The following PDCL3 variants were observed in gnomAD, a reference collection of about 807,000 sequenced individuals.
PDCL3 encodes the protein phosducin-like protein 3.
Under a neutral mutation model 26.5 loss-of-function variants are expected in PDCL3, and 22 were observed. That is an observed-to-expected ratio of 0.83 (90% CI 0.59 to 1.19). The LOEUF is 1.19. Ranked by LOEUF, PDCL3 falls within the 50% of genes most tolerant of loss-of-function variation. PDCL3 has a pLI of 0.00. For missense variants in PDCL3, 246 were observed against 294.1 expected, an observed-to-expected ratio of 0.84 and a Z score of 1.20; for synonymous variants, 81 against 104.9, an observed-to-expected ratio of 0.77 and a Z score of 1.39.
rs529499368 is a variant in PDCL3 at position 100,573,638 on chromosome 2, A to T, written c.577+1840A>T. ...CAGTGAGCCAAGATCATGCCATTGC[A>T]CTCCAGCCTGGGTAACGAGCGAAAC... On this transcript the variant is annotated intron_variant, in intron 5 of 5. Coordinates refer to ENST00000264254, the MANE Select transcript of PDCL3 (RefSeq NM_024065.5). Among the ~76,000 whole-genome samples the T allele has an allele frequency of 4.7e-5, 7 of 149,666 alleles. No individual in the cohort carries two copies. The South Asian group carries it at 1.5e-3, about 32-fold the overall frequency.
chr2:100,565,616 C>G (rs897895230), intron 1 of PDCL3, among the ~76,000 whole-genome samples: 5 of 152,086 alleles, frequency 3.3e-5, no homozygotes, highest in African/African-American at 1.2e-4. Context: ...TCACAGATTG[C>G]TTTCCACCCT....
At chr2:100,576,246 T>C in intron 5 of PDCL3, 108 bp from the exon 6 acceptor site, 1 of 1,313,510 alleles carries the variant, frequency 7.6e-7, no homozygotes, top group East Asian at 2.5e-5. Flanking sequence ...TGGGCCAAAT[T>C]TCGATAATTG....
chr2:100,566,444 A>C (rs984945964), intron 1 of PDCL3, 59 bp from the exon 2 acceptor site: 4 of 1,577,632 alleles, frequency 2.5e-6, no homozygotes, highest in African/African-American at 2.7e-5. Context: ...CCCTTGCCCA[A>C]CGTGGCACCC....
chr2:100,569,062 GTTTGT>G (rs754350336), intron 3 of PDCL3, 41 bp downstream of exon 3: 4 of 1,552,456 alleles, frequency 2.6e-6, no homozygotes, highest in Non-Finnish European at 3.5e-6. Context: ...TTTTGTTGTT[GTTTGT>G]TTTGTTTTGG....
intron 5 of PDCL3, among the ~76,000 whole-genome samples, chr2:100,573,529 G>A (rs1366808333): frequency 6.6e-6 from 1 of 151,862 alleles, no homozygotes; most frequent in East Asian, 2.0e-4. Context: ...CAAAAAATTA[G>A]CTGGGCGTGG....
Position 100,562,996 on chromosome 2 carries a change from C to T in PDCL3, c.-72C>T, listed in dbSNP as rs532242215. Reference sequence around the variant, plus strand: ...GGAAGAGGCGTGGCGGCGCTGTGCGCGTGCACAAAAGAGAGCTGAGGGGCG... The same window carrying T: ...GGAAGAGGCGTGGCGGCGCTGTGCGTGTGCACAAAAGAGAGCTGAGGGGCG... On this transcript the variant is annotated 5_prime_UTR_variant, in exon 1 of 6. Transcript: ENST00000264254. The T allele has an allele frequency of 9.9e-5, 154 of 1,561,456 alleles. No individual in the cohort carries two copies. In the South Asian group the frequency reaches 1.5e-3, roughly 16 times the overall value.
At chr2:100,576,256 G>GT (rs967838153) in intron 5 of PDCL3, 98 bp from the exon 6 acceptor site, 1 of 1,409,016 alleles carries the variant, frequency 7.1e-7, no homozygotes, top group African/African-American at 1.5e-5. Flanking sequence ...TTCGATAATT[G>GT]TATTTTCTAC....
chr2:100,576,301 G>A, intron 5 of PDCL3, 53 bp from the exon 6 acceptor site: 3 of 1,568,306 alleles, frequency 1.9e-6, no homozygotes, highest in Non-Finnish European at 2.6e-6. Flanking sequence ...TTAGGGCGAG[G>A]GAACCTTTGC....
chr2:100,575,071 T>C (rs1675253018), intron 5 of PDCL3, among the ~76,000 whole-genome samples: 1 of 152,214 alleles, frequency 6.6e-6, no homozygotes, highest in Admixed American at 6.5e-5. Context: ...CACTCTAGCC[T>C]GGGTGATGGA....
chr2:100,575,274 T>A (rs1357517458), intron 5 of PDCL3, among the ~76,000 whole-genome samples: 1 of 152,182 alleles, frequency 6.6e-6, no homozygotes, highest in Non-Finnish European at 1.5e-5. Flanking sequence ...TAGCTGGGAC[T>A]ACAGGCACCT....
chr2:100,571,854 G>A (rs1383824244), intron 5 of PDCL3, 56 bp downstream of exon 5: 1 of 1,545,312 alleles, frequency 6.5e-7, no homozygotes. Context: ...CATTTCTGTT[G>A]GAGAGAGTGT....
chr2:100,569,164 G>A (rs1675118299), intron 3 of PDCL3, 143 bp downstream of exon 3: 1 of 698,796 alleles, frequency 1.4e-6, no homozygotes, highest in Non-Finnish European at 2.4e-6. Flanking sequence ...GCTGAGGCAG[G>A]CAGATCGCTT....
intron 1 of PDCL3, 118 bp downstream of exon 1, chr2:100,563,191 G>A: frequency 7.6e-7 from 1 of 1,316,426 alleles, no homozygotes; most frequent in Non-Finnish European, 1.0e-6. Flanking sequence ...GCACGAGGGA[G>A]GCCCGGCGCG....
At chr2:100,574,096 C>T (rs1164512708) in intron 5 of PDCL3, among the ~76,000 whole-genome samples, 2 of 152,082 alleles carry the variant, frequency 1.3e-5, no homozygotes, top group South Asian at 2.1e-4. Context: ...CTCAGCCTCC[C>T]GGGTTCAAGC....
At chr2:100,568,814 G>T in intron 2 of PDCL3, 117 bp from the exon 3 acceptor site, 1 of 780,204 alleles carries the variant, frequency 1.3e-6, no homozygotes. Context: ...TGTTTAGGTA[G>T]GCTAAGGATC....
At chr2:100,564,317 G>A (rs1675016907) in intron 1 of PDCL3, among the ~76,000 whole-genome samples, 2 of 149,552 alleles carry the variant, frequency 1.3e-5, no homozygotes, top group Admixed American at 1.3e-4. Context: ...TTCTTTTTGA[G>A]ACAGAGTCTT....
chr2:100,569,125 T>G (rs982970485), intron 3 of PDCL3, 104 bp downstream of exon 3: 2 of 971,544 alleles, frequency 2.1e-6, no homozygotes, highest in African/African-American at 3.3e-5. Context: ...GCATGGTGAC[T>G]CATACCTGTA....
At chr2:100,571,988 T>G (rs1463568259) in intron 5 of PDCL3, 190 bp downstream of exon 5, 5 of 602,434 alleles carry the variant, frequency 8.3e-6, no homozygotes, top group Non-Finnish European at 1.2e-5. Flanking sequence ...TGGGCTCTAC[T>G]GATTCTTAGT....
chr2:100,567,859 CT>C (rs1333503161), intron 2 of PDCL3, among the ~76,000 whole-genome samples: 1 of 150,014 alleles, frequency 6.7e-6, no homozygotes, highest in African/African-American at 2.5e-5. Flanking sequence ...GTCTCGCTCT[CT>C]TACCCAGGCT....
Sources: gnomAD v4.1 joint callset for allele counts (sites outside exome capture counted in the v4.1 genomes callset) on GRCh38, gnomAD v4.1.1 for gene constraint, MANE v1.5 for transcripts, NCBI Gene and HGNC (gene_info 2026-07-23, HGNC 2026-07-21) for gene names.